Variants in ABCC4 observed in about 807,000 individuals in gnomAD.
ABCC4 encodes ATP-binding cassette sub-family C member 4.
ABCC4 carries 102 observed loss-of-function variants against 168.5 expected under a neutral mutation model. The observed-to-expected ratio is 0.61, with a 90% CI of 0.52 to 0.71. The LOEUF (loss-of-function observed/expected upper bound fraction) is 0.71, where lower values mean the gene tolerates loss of function less well. Among genes scored for constraint, ABCC4 ranks in the 30% least tolerant of loss-of-function variants. ABCC4 has a pLI of 0.00. For synonymous variants in ABCC4, 617 were observed against 590.7 expected (o/e 1.04, Z -0.65); for missense variants, 1,402 against 1,605.8 (o/e 0.87, Z 2.17).
intron 4 of ABCC4, among the ~76,000 whole-genome samples, chr13:95,218,976 AGAAAG>A (rs1566539820): frequency 1.7e-4 from 7 of 41,528 alleles, no homozygotes; most frequent in South Asian, 4.7e-4. Flanking sequence ...AAAGAAAGAA[AGAAAG>A]AAAGAGTGAG....
intron 4 of ABCC4, among the ~76,000 whole-genome samples, chr13:95,219,164 G>A (rs1236926476): frequency 6.6e-6 from 1 of 152,164 alleles, no homozygotes; most frequent in Non-Finnish European, 1.5e-5. Context: ...CACAGTTTGA[G>A]AGTAATCTGT....
Position 95,163,158 on chromosome 13 carries a change from T to C in ABCC4, c.2272A>G (p.Lys758Glu). The C allele has an allele frequency of 2.5e-6, 4 of 1,613,642 alleles. No individual in the cohort carries two copies. The highest frequency in any genetic ancestry group is 3.4e-6 in the Non-Finnish European group (4 of 1,179,634). Residue 758 changes from lysine to glutamate, a missense_variant, in exon 18 of 31, where the codon AAG (lysine) becomes GAG (glutamate). Physicochemically the swap from Lys to Glu is moderately conservative, Grantham distance 56. This residue lies in a region of ABCC4 where 1,007 missense variants were observed against 1,127.3 expected (regional missense o/e 0.89). Transcript: ENST00000645237. ...TVNGGGNVTE[K>E]LDLNWYLGIY... is the part of the protein sequence containing the mutation. ...CCTAAGTACCAGTTAAGATCTAGCT[T>C]CTCGGTTACATTTCCTCCTCCATTT...
chr13:95,111,890 A>G (rs958559726), intron 20 of ABCC4, among the ~76,000 whole-genome samples: 2 of 152,198 alleles, frequency 1.3e-5, no homozygotes, highest in African/African-American at 2.4e-5. Flanking sequence ...CCAAGCCACA[A>G]GCAGAGGGTT....
At chr13:95,072,970 C>T (rs2033783567) in intron 24 of ABCC4, among the ~76,000 whole-genome samples, 1 of 152,112 alleles carries the variant, frequency 6.6e-6, no homozygotes, top group African/African-American at 2.4e-5. Context: ...TTTATTACAT[C>T]TGAAAAAGCT....
At chr13:95,213,488 T>C (rs939924967) in intron 4 of ABCC4, among the ~76,000 whole-genome samples, 1 of 152,134 alleles carries the variant, frequency 6.6e-6, no homozygotes, top group African/African-American at 2.4e-5. Flanking sequence ...TTACCCAGGG[T>C]ACTTTGCCAA....
At chr13:95,041,786 C>T (rs534926235) in intron 29 of ABCC4, among the ~76,000 whole-genome samples, 2 of 152,174 alleles carry the variant, frequency 1.3e-5, no homozygotes, top group Non-Finnish European at 2.9e-5. Context: ...TGATCAGAAG[C>T]TCTAGAATAC....
chr13:95,244,538 T>G (rs1298660469), intron 3 of ABCC4, among the ~76,000 whole-genome samples: 2 of 147,804 alleles, frequency 1.4e-5, no homozygotes, highest in Non-Finnish European at 3.0e-5. Flanking sequence ...ACCACTGCAC[T>G]CCAGCCTGGC....
intron 25 of ABCC4, among the ~76,000 whole-genome samples, chr13:95,070,120 T>G (rs1271142962): frequency 6.6e-6 from 1 of 152,166 alleles, no homozygotes; most frequent in Non-Finnish European, 1.5e-5. Flanking sequence ...GGTGCACACC[T>G]ATAATCCCAG....
intron 1 of ABCC4, among the ~76,000 whole-genome samples, chr13:95,271,053 C>T (rs2040835486): frequency 6.6e-6 from 1 of 152,130 alleles, no homozygotes; most frequent in South Asian, 2.1e-4. Flanking sequence ...CGAGATCGCG[C>T]CACTGCACTC....
At chr13:95,189,123 T>C (rs1566507713) in intron 9 of ABCC4, among the ~76,000 whole-genome samples, 2 of 133,984 alleles carry the variant, frequency 1.5e-5, no homozygotes, top group African/African-American at 5.5e-5. Context: ...AAAACAATAT[T>C]CTTTTTTTTT....
chr13:95,123,379 G>A (rs1414381717), intron 19 of ABCC4, among the ~76,000 whole-genome samples: 3 of 151,496 alleles, frequency 2.0e-5, no homozygotes, highest in Non-Finnish European at 2.9e-5. Flanking sequence ...GTTTTTTTGC[G>A]GGGGACGAAG....
chr13:95,139,760 C>A (rs1362236940), intron 19 of ABCC4, among the ~76,000 whole-genome samples: 1 of 152,158 alleles, frequency 6.6e-6, no homozygotes, highest in Non-Finnish European at 1.5e-5. Flanking sequence ...CCATGCAATT[C>A]ATACCTGTAT....
intron 4 of ABCC4, among the ~76,000 whole-genome samples, chr13:95,223,535 A>G (rs920425543): frequency 2.0e-5 from 3 of 152,086 alleles, no homozygotes; most frequent in African/African-American, 7.2e-5. Flanking sequence ...AAAGAGTCTC[A>G]CTCTCACCCA....
chr13:95,155,907 C>T (rs1395146549), intron 19 of ABCC4, among the ~76,000 whole-genome samples: 1 of 152,162 alleles, frequency 6.6e-6, no homozygotes, highest in Non-Finnish European at 1.5e-5. Flanking sequence ...TTCTCCAAAA[C>T]AAAGAGTGAA....
Position 95,234,733 on chromosome 13 carries a change from G to C in ABCC4, c.408C>G (p.Ala136=). Residue 136 remains alanine (A), a synonymous_variant, in exon 4 of 31, where the codon GCC becomes GCG. Transcript: ENST00000645237. ...TGCAAAAAGTCAGCACCGTGGCATA[G>C]GCGTACGCTGTGTTCAAAGCCACAG... ...MDSVALNTAY[A]YATVLTFCTL... 1 of 1,614,058 alleles carries C rather than the reference G, an allele frequency of 6.2e-7. No homozygotes were observed. Among genetic ancestry groups the C allele is most frequent in the Non-Finnish European group, 8.5e-7 (1 of 1,179,988 alleles).
In ABCC4 at chr13:95,301,385, G is replaced by C. The variant is rs1594471127; in HGVS notation, c.-71C>G. ...GGCGGTGGCCGCGGGCTCCGCTCCTGGACCTCAAGCAGGGATGCTGGGGCT... is the reference window on the plus strand; with the variant it reads ...GGCGGTGGCCGCGGGCTCCGCTCCTCGACCTCAAGCAGGGATGCTGGGGCT... On this transcript the variant is annotated 5_prime_UTR_variant, in exon 1 of 31. Transcript: ENST00000645237. 7.2e-7 allele frequency: 1 copy of C among 1,389,644 alleles called. No homozygotes were observed. The highest frequency in any genetic ancestry group is 1.5e-5 in the African/African-American group (1 of 66,776). 86.1% of individuals were successfully genotyped at this position (1,389,644 alleles called of 1,614,324 possible). A position where few individuals can be genotyped will look rare whatever the true frequency, so the allele number is the denominator to read the frequency against.
chr13:95,284,594 C>T (rs1183220811), intron 1 of ABCC4, among the ~76,000 whole-genome samples: 15 of 152,176 alleles, frequency 9.9e-5, no homozygotes, highest in Non-Finnish European at 1.5e-4. Context: ...ACAGATGACA[C>T]GGCCTTTTCG....
chr13:95,258,264 T>G (rs1051195447), intron 1 of ABCC4, among the ~76,000 whole-genome samples: 1 of 152,156 alleles, frequency 6.6e-6, no homozygotes, highest in African/African-American at 2.4e-5. Flanking sequence ...AGAAAAACAA[T>G]GAAACTCATG....
intron 30 of ABCC4, among the ~76,000 whole-genome samples, chr13:95,025,118 T>G (rs554878800): frequency 6.6e-6 from 1 of 151,260 alleles, no homozygotes; most frequent in Non-Finnish European, 1.5e-5. Context: ...TGCCCAATTC[T>G]GTAAGCTAAG....
Sources: allele counts gnomAD v4.1 joint callset (sites outside exome capture counted in the v4.1 genomes callset), GRCh38; gene constraint gnomAD v4.1.1; regional missense constraint gnomAD v4.1.1; transcripts MANE v1.5; gene names NCBI Gene and HGNC (gene_info 2026-07-23, HGNC 2026-07-21).